The following COBLL1 variants were observed in gnomAD, a reference collection of about 807,000 sequenced individuals.
COBLL1 encodes cordon-bleu protein-like 1.
Under a neutral mutation model 94.8 loss-of-function variants are expected in COBLL1, and 50 were observed. That is an observed-to-expected ratio of 0.53 (90% CI 0.42 to 0.67). The LOEUF is 0.67. COBLL1 is among the 30% of genes least tolerant of loss of function. The pLI, the probability that COBLL1 is intolerant of heterozygous loss-of-function variation, is 0.00. For synonymous variants in COBLL1, 448 were observed against 473.8 expected, an observed-to-expected ratio of 0.95 and a Z score of 0.71; for missense variants, 1,362 against 1,348.7, an observed-to-expected ratio of 1.01 and a Z score of -0.15.
At chr2:164,794,914 A>G (rs558190384) in intron 2 of COBLL1, among the ~76,000 whole-genome samples, 1 of 152,356 alleles carries the variant, frequency 6.6e-6, no homozygotes, top group Non-Finnish European at 1.5e-5. Context: ...TTTAAGACTT[A>G]GTATTAAGAA....
intron 2 of COBLL1, among the ~76,000 whole-genome samples, chr2:164,799,718 AT>A (rs1395385610): frequency 1.3e-5 from 2 of 152,246 alleles, no homozygotes; most frequent in Non-Finnish European, 2.9e-5. Context: ...AGCTACAGTA[AT>A]CAAAACAATG....
chr2:164,832,025 A>G (rs1683100467), intron 2 of COBLL1, among the ~76,000 whole-genome samples: 1 of 152,192 alleles, frequency 6.6e-6, no homozygotes, highest in African/African-American at 2.4e-5. Context: ...CTGTTTTTCC[A>G]GCACATCTCA....
At chr2:164,754,498 G>A (rs1687293910) in intron 2 of COBLL1, among the ~76,000 whole-genome samples, 1 of 152,174 alleles carries the variant, frequency 6.6e-6, no homozygotes, top group Non-Finnish European at 1.5e-5. Flanking sequence ...CAGGCCAATA[G>A]TCACAAGAGT....
intron 2 of COBLL1, among the ~76,000 whole-genome samples, chr2:164,825,522 A>G (rs547453642): frequency 6.6e-6 from 1 of 152,360 alleles, no homozygotes; most frequent in African/African-American, 2.4e-5. Context: ...CATGGAAATT[A>G]TAGAACAAAA....
intron 2 of COBLL1, among the ~76,000 whole-genome samples, chr2:164,790,218 C>T (rs1683117016): frequency 6.6e-6 from 1 of 152,070 alleles, no homozygotes; most frequent in East Asian, 1.9e-4. Context: ...ATGTCAGGTT[C>T]ATTGGTGTGT....
At chr2:164,703,610 T>A (rs1426179562) in intron 9 of COBLL1, 1 of 426,180 alleles carries the variant, frequency 2.3e-6, no homozygotes, top group Admixed American at 3.3e-5. Context: ...TATGCTAAAA[T>A]TCCAAATTCT....
rs114539704 is a variant in COBLL1, at chr2:164,754,022, C to T, written c.42-10147G>A. The stretch of plus-strand genomic sequence containing the variant: ...TGCTGAAGTTACAGGTGTGAGCCAC[C>T]GTGCTGGCCCAGAATCTATTTTTTC... On this transcript the variant is annotated intron_variant, in intron 2 of 13. Coordinates refer to ENST00000652658, the MANE Select transcript of COBLL1 (RefSeq NM_001365672.2). Among the ~76,000 whole-genome samples, 30 of 152,130 alleles carry T rather than the reference C, an allele frequency of 2.0e-4. No individual in the cohort carries two copies. In the East Asian group the frequency reaches 5.2e-3, roughly 26 times the overall value.
At chr2:164,690,778 A>G (rs1351966302) in intron 13 of COBLL1, among the ~76,000 whole-genome samples, 1 of 152,110 alleles carries the variant, frequency 6.6e-6, no homozygotes, top group Non-Finnish European at 1.5e-5. Context: ...ATCTAGTACA[A>G]TATTTGTTAC....
intron 11 of COBLL1, chr2:164,696,303 A>G (rs1683938701): frequency 1.3e-5 from 2 of 152,492 alleles, no homozygotes; most frequent in Non-Finnish European, 2.9e-5. Flanking sequence ...TGTCTTTTCT[A>G]TAGCCCCTAG....
At chr2:164,692,082 A>G (rs1248762022) in intron 13 of COBLL1, 139 bp downstream of exon 13, 3 of 693,574 alleles carry the variant, frequency 4.3e-6, no homozygotes, top group Admixed American at 3.4e-5. Flanking sequence ...GAACTCTTTC[A>G]GCTTATACTT....
chr2:164,777,700 A>T (rs996525934), intron 2 of COBLL1, among the ~76,000 whole-genome samples: 2 of 152,146 alleles, frequency 1.3e-5, no homozygotes, highest in African/African-American at 4.8e-5. Flanking sequence ...GTGTAAAACA[A>T]CTTCCTTAAC....
chr2:164,669,963 C>T (rs1258710998), intron 1 of COBLL1, among the ~76,000 whole-genome samples: 1 of 152,146 alleles, frequency 6.6e-6, no homozygotes, highest in South Asian at 2.1e-4. Context: ...ACTCCAAATG[C>T]CCAAGTCAAA....
chr2:164,760,358 G>A (rs1002684953), intron 2 of COBLL1, among the ~76,000 whole-genome samples: 8 of 152,152 alleles, frequency 5.3e-5, no homozygotes, highest in African/African-American at 1.9e-4. Flanking sequence ...TCAGGTCACA[G>A]AAAACAGATC....
intron 2 of COBLL1, among the ~76,000 whole-genome samples, chr2:164,787,619 C>CT (rs2105289465): frequency 6.6e-6 from 1 of 152,210 alleles, no homozygotes; most frequent in South Asian, 2.1e-4. Flanking sequence ...CTTTCCACTC[C>CT]TGCATCCCTT....
intron 9 of COBLL1, chr2:164,703,491 A>C (rs911671811): frequency 8.2e-5 from 33 of 404,596 alleles, no homozygotes; most frequent in Middle Eastern, 7.3e-4. Flanking sequence ...CCTTTGTGGA[A>C]AAAAATGGTG....
At chr2:164,842,027 G>A, upstream of COBLL1, 2 of 1,537,696 alleles carry the variant, frequency 1.3e-6, no homozygotes, top group Non-Finnish European at 1.7e-6. Context: ...ACATAAGTGG[G>A]GACCAGCTCG....
In COBLL1 at chr2:164,730,099, A is replaced by G; in HGVS notation, c.247T>C (p.Leu83=). The G allele has an allele frequency of 1.9e-6, 3 of 1,613,490 alleles. No individual in the cohort carries two copies. The highest frequency in any genetic ancestry group is 2.5e-6 in the Non-Finnish European group (3 of 1,179,486). Residue 83 remains leucine, a synonymous_variant, in exon 4 of 14, where the codon TTG becomes CTG. Coordinates refer to ENST00000652658, the MANE Select transcript of COBLL1 (RefSeq NM_001365672.2). ...TVHGSKPMMD[L]LIFLCAQYHL... ...TACTGTGCACAAAGGAATATCAACA[A>G]GTCCATCATAGGTTTACTGTAAAAC... is the stretch of plus-strand genomic sequence containing the variant.
chr2:164,693,465 A>G (rs978733528), intron 12 of COBLL1, among the ~76,000 whole-genome samples: 4 of 152,126 alleles, frequency 2.6e-5, no homozygotes, highest in Non-Finnish European at 5.9e-5. Context: ...TTTAAACACT[A>G]TCAGAGTAAG....
At chr2:164,783,746 T>C (rs1047458040) in intron 2 of COBLL1, among the ~76,000 whole-genome samples, 2 of 151,946 alleles carry the variant, frequency 1.3e-5, no homozygotes, top group African/African-American at 4.8e-5. Flanking sequence ...GGAGGGAGGA[T>C]AGCACGAGCC....
Sources: allele counts gnomAD v4.1 joint callset (sites outside exome capture counted in the v4.1 genomes callset), GRCh38; gene constraint gnomAD v4.1.1; transcripts MANE v1.5; gene names NCBI Gene and HGNC (gene_info 2026-07-23, HGNC 2026-07-21).